Variants in HK1 observed in about 807,000 individuals in gnomAD.
HK1 encodes the protein hexokinase-1.
HK1 carries 28 observed loss-of-function variants against 91.6 expected under a neutral mutation model. The observed-to-expected ratio is 0.31, with a 90% CI of 0.23 to 0.42. HK1 has a LOEUF of 0.42. HK1 is among the 10% of genes least tolerant of loss of function. HK1 has a pLI of 1.00. For synonymous variants in HK1, 430 were observed against 468.1 expected, an observed-to-expected ratio of 0.92 and a Z score of 1.05; for missense variants, 770 against 1,219.8, an observed-to-expected ratio of 0.63 and a Z score of 5.49.
At chr10:69,296,500 G>T (rs1277039262) in intron 4 of HK1, among the ~76,000 whole-genome samples, 1 of 152,170 alleles carries the variant, frequency 6.6e-6, no homozygotes, top group Non-Finnish European at 1.5e-5. Context: ...AAGACTTAAT[G>T]ACTGAGAAGT....
intron 16 of HK1, among the ~76,000 whole-genome samples, chr10:69,398,129 G>C (rs558890355): frequency 3.6e-4 from 55 of 152,284 alleles, no homozygotes; most frequent in African/African-American, 1.3e-3. Flanking sequence ...CTTTATAATA[G>C]CAGAAAATTG....
intron 3 of HK1, among the ~76,000 whole-genome samples, chr10:69,293,893 C>G (rs12257270): frequency 0.18 from 25,567 of 144,112 alleles, 3,226 homozygotes; most frequent in East Asian, 0.54. Context: ...ACAGAGTCTC[C>G]CACTTTGGCT....
chr10:69,319,231 C>T (rs1045503079), intron 1 of HK1: 4 of 628,172 alleles, frequency 6.4e-6, no homozygotes, highest in Non-Finnish European at 1.1e-5. Context: ...GGGCGGAAGA[C>T]CCCCGAGACC....
chr10:69,318,768 G>A, upstream of HK1: 2 of 1,244,326 alleles, frequency 1.6e-6, no homozygotes, highest in South Asian at 1.8e-5. Context: ...ACCCTCCAGG[G>A]GACGGGAGCG....
rs1329792374 is a variant in HK1 at position 69,368,667 on chromosome 10, G to A, written c.591+36G>A. On this transcript the variant is annotated intron_variant, in intron 5 of 17. Transcript: ENST00000359426. ...CTGGGCCCTCTGCCTCAGCCATGCA[G>A]GGGTGTGGGGAGCAGGGCTGCATTC... 2.0e-6 allele frequency: 3 copies of A among 1,523,126 alleles called. No individual in the cohort carries two copies. In the Admixed American group the frequency reaches 5.0e-5, roughly 25 times the overall value. The allele number at this position is 1,523,126 out of a possible 1,614,324, so 94.4% of individuals were successfully genotyped here. A position where few individuals can be genotyped will look rare whatever the true frequency, so the allele number is the denominator to read the frequency against.
At chr10:69,365,880 G>A (rs1200719953) in intron 4 of HK1, among the ~76,000 whole-genome samples, 3 of 152,096 alleles carry the variant, frequency 2.0e-5, no homozygotes, top group Non-Finnish European at 4.4e-5. Flanking sequence ...CGCCCAGGCT[G>A]GAGTGCAATG....
chr10:69,338,664 G>A (rs1286297575), intron 1 of HK1: 1 of 1,277,698 alleles, frequency 7.8e-7, no homozygotes, highest in African/African-American at 1.6e-5. Flanking sequence ...GAAGGGGACA[G>A]GATTATGGAG....
chr10:69,286,155 G>A (rs1300907238), intron 2 of HK1, among the ~76,000 whole-genome samples: 1 of 152,138 alleles, frequency 6.6e-6, no homozygotes, highest in African/African-American at 2.4e-5. Context: ...AATTTGTTAA[G>A]CCCATATAGC....
chr10:69,284,973 C>G (rs577167115), intron 2 of HK1, among the ~76,000 whole-genome samples: 2 of 151,954 alleles, frequency 1.3e-5, no homozygotes, highest in African/African-American at 4.8e-5. Flanking sequence ...CCAGCCACCA[C>G]GCCCGGCTAA....
chr10:69,292,967 T>G (rs1589443675), intron 3 of HK1, among the ~76,000 whole-genome samples: 1 of 152,118 alleles, frequency 6.6e-6, no homozygotes, highest in East Asian at 1.9e-4. Flanking sequence ...CTGCTAGTGG[T>G]AGGTGGAAAG....
Position 69,380,143 on chromosome 10 carries a change from A to G in HK1, c.1265+48A>G. 1 of 1,463,088 alleles carries G rather than the reference A, an allele frequency of 6.8e-7. No homozygotes were observed. Among genetic ancestry groups the G allele is most frequent in the African/African-American group, 1.4e-5 (1 of 72,040 alleles). 90.6% of individuals were successfully genotyped at this position (1,463,088 alleles called of 1,614,324 possible). On this transcript the variant is annotated intron_variant, in intron 9 of 17. Coordinates refer to ENST00000359426, the MANE Select transcript of HK1 (RefSeq NM_000188.3). This position sits in a 1 kb window ranked among gnomAD's most constrained non-coding sequence, Gnocchi z 4.0. ...TTGGCACTCTGTACCCATTGTGGGT[A>G]GGGACCTTCTCCAGAGATCAGACTT...
chr10:69,333,753 G>A (rs535123689), intron 1 of HK1, among the ~76,000 whole-genome samples: 1 of 152,232 alleles, frequency 6.6e-6, no homozygotes, highest in African/African-American at 2.4e-5. Flanking sequence ...GGATGGAGGA[G>A]CTTAGAGCAC....
At chr10:69,276,124 T>TAC (rs1443532125) in intron 1 of HK1, among the ~76,000 whole-genome samples, 1 of 48,186 alleles carries the variant, frequency 2.1e-5, no homozygotes, top group Non-Finnish European at 5.3e-5. Flanking sequence ...AAAAAATACA[T>TAC]ATATATATAT....
chr10:69,340,488 A>G (rs1848233531), intron 1 of HK1, among the ~76,000 whole-genome samples: 1 of 152,188 alleles, frequency 6.6e-6, no homozygotes, highest in East Asian at 1.9e-4. Flanking sequence ...GACCTCAGGT[A>G]ATCCACTCGC....
intron 1 of HK1, among the ~76,000 whole-genome samples, chr10:69,331,743 G>A (rs1847729881): frequency 6.6e-6 from 1 of 152,050 alleles, no homozygotes; most frequent in African/African-American, 2.4e-5. Context: ...GGGCATGGTG[G>A]CACACATCTA....
intron 7 of HK1, among the ~76,000 whole-genome samples, chr10:69,374,827 T>A (rs1354920230): frequency 6.6e-6 from 1 of 152,222 alleles, no homozygotes; most frequent in Non-Finnish European, 1.5e-5. Context: ...AGGAGGCTGA[T>A]GTTAGCGCAT....
In HK1 at chr10:69,331,358, T is replaced by G. The variant is rs12240847; in HGVS notation, c.63+12348T>G. 2.8e-3 allele frequency among the ~76,000 whole-genome samples: 429 copies of G among 152,372 alleles called. 5 individuals are homozygous for G. The highest frequency in any genetic ancestry group is 9.9e-3 in the African/African-American group (413 of 41,590). On this transcript the variant is annotated intron_variant, in intron 1 of 17. Transcript: ENST00000359426. ...TTTCAGCTACTGCGTGTTCTACATT[T>G]CAGCGGCCTTCTTCATAGAAACTGT...
intron 1 of HK1, among the ~76,000 whole-genome samples, chr10:69,279,160 T>C (rs1397445990): frequency 6.6e-6 from 1 of 152,184 alleles, no homozygotes; most frequent in Non-Finnish European, 1.5e-5. Flanking sequence ...TAGGGAGCAC[T>C]GGTTGGTGGT....
Position 69,330,743 on chromosome 10 carries a change from A to G in HK1, c.63+11733A>G, listed in dbSNP as rs144613169. On this transcript the variant is annotated intron_variant, in intron 1 of 17. Coordinates refer to ENST00000359426, the MANE Select transcript of HK1 (RefSeq NM_000188.3). The stretch of plus-strand genomic sequence containing the variant: ...GATACAGGGACACAGAGAAGAACAA[A>G]CAGGGCCTGCCAAGTTCTCTTCAGT... Among the ~76,000 whole-genome samples, 819 of 152,190 alleles carry G rather than the reference A, an allele frequency of 5.4e-3. 4 individuals carry two copies. Among genetic ancestry groups the G allele is most frequent in the Non-Finnish European group, 9.5e-3 (643 of 67,994 alleles).
Sources: gnomAD v4.1 joint callset for allele counts (sites outside exome capture counted in the v4.1 genomes callset) on GRCh38, gnomAD v4.1.1 for gene constraint, Gnocchi (gnomAD v3.1) non-coding constraint, MANE v1.5 for transcripts, NCBI Gene and HGNC (gene_info 2026-07-23, HGNC 2026-07-21) for gene names.